PMPCA: variants seen among roughly 807,000 people sequenced by gnomAD.
PMPCA encodes mitochondrial-processing peptidase subunit alpha.
A neutral mutation model predicts 59.3 loss-of-function variants in PMPCA; 47 were observed. That is an observed-to-expected ratio of 0.79 (90% CI 0.63 to 1.01). The LOEUF (loss-of-function observed/expected upper bound fraction) is 1.01. Ranked by LOEUF, PMPCA falls within the 50% of genes least tolerant of loss-of-function variation. The probability of loss-of-function intolerance (pLI) is 0.00; values close to 1 mark genes in which losing one functional copy is unlikely to be tolerated. For missense variants in PMPCA, 726 were observed against 704.5 expected (o/e 1.03, Z -0.34); for synonymous variants, 338 against 290.3 (o/e 1.16, Z -1.67).
intron 12 of PMPCA, chr9:136,422,232 G>A (rs958965551): frequency 1.4e-6 from 2 of 1,434,990 alleles, no homozygotes; most frequent in South Asian, 1.3e-5. Context: ...CCCCTGGGAG[G>A]GGCTGTCACT....
intron 4 of PMPCA, among the ~76,000 whole-genome samples, chr9:136,413,659 T>C (rs1835196213): frequency 6.6e-6 from 1 of 152,200 alleles, no homozygotes; most frequent in Non-Finnish European, 1.5e-5. Context: ...CTGGTGTGTT[T>C]GATTCTCCGA....
chr9:136,412,866 G>A lies in PMPCA; in HGVS notation c.411G>A (p.Gly137=), dbSNP rs774779672. ...TTCTGCTTACGTTGGAAAAGCATGG[G>A]GGTATCTGTGACTGCCAGACATCAA... The part of the protein sequence containing the change: ...DEILLTLEKH[G]GICDCQTSRD... Residue 137 remains glycine (G), a synonymous_variant, in exon 4 of 13, where the codon GGG becomes GGA. Coordinates refer to ENST00000371717, the MANE Select transcript of PMPCA (RefSeq NM_015160.3). 6.2e-7 allele frequency: 1 copy of A among 1,607,452 alleles called. No homozygotes were observed. The highest frequency in any genetic ancestry group is 8.5e-7 in the Non-Finnish European group (1 of 1,174,114).
chr9:136,412,606 T>G (rs772701759), intron 3 of PMPCA, 37 bp downstream of exon 3: 1 of 1,083,436 alleles, frequency 9.2e-7, no homozygotes, highest in East Asian at 2.4e-5. Context: ...AGACTATACT[T>G]TTGAAGGATG....
At chr9:136,417,559 A>G (rs1033514412) in intron 7 of PMPCA, among the ~76,000 whole-genome samples, 1 of 146,400 alleles carries the variant, frequency 6.8e-6, no homozygotes, top group Non-Finnish European at 1.5e-5. Context: ...TGCAACCTCC[A>G]CCTCCCAGGT....
Position 136,416,301 on chromosome 9 carries a change from C to T in PMPCA, c.543C>T (p.Val181=), listed in dbSNP as rs749297926. ...VLQPRLTDEE[V]EMTRMAVQFE... Reference sequence around the variant, plus strand: ...TGGGTTCTCTTGCAGATGAAGAAGTCGAGATGACGCGGATGGCGGTCCAGT... The same window carrying T: ...TGGGTTCTCTTGCAGATGAAGAAGTTGAGATGACGCGGATGGCGGTCCAGT... The change falls in exon 6 of 13, where the codon GTC becomes GTT. Residue 181 remains valine (V), a synonymous_variant. Transcript: ENST00000371717. 14 of 1,613,062 alleles carry T rather than the reference C, an allele frequency of 8.7e-6. No homozygotes were observed. The highest frequency in any genetic ancestry group is 6.7e-5 in the East Asian group (3 of 44,898).
At chr9:136,412,948 G>C (rs1314499122) in intron 4 of PMPCA, 56 bp downstream of exon 4, 2 of 1,031,260 alleles carry the variant, frequency 1.9e-6, no homozygotes, top group Non-Finnish European at 3.1e-6. Flanking sequence ...TGACGTTCTT[G>C]TCGTTGCTCA....
rs1835367157 is a variant in PMPCA at position 136,418,989 on chromosome 9, G to T, written c.1201-55G>T. 23 of 1,599,964 alleles carry T rather than the reference G, an allele frequency of 1.4e-5. 1 individual carries two copies. In the South Asian group the frequency reaches 2.4e-4, roughly 17 times the overall value. ...GACCTGGGCGTCCCTGCCTAGACGG[G>T]TCAGTAGGCCGGCAGGCGCAGGCCA... On this transcript the variant is annotated intron_variant, in intron 10 of 12. Coordinates refer to ENST00000371717, the MANE Select transcript of PMPCA (RefSeq NM_015160.3).
In PMPCA at chr9:136,423,226, G is replaced by T; in HGVS notation, c.1540G>T (p.Asp514Tyr). Residue 514 changes from aspartate (D) to tyrosine (Y), a missense_variant, in exon 13 of 13, where the codon GAC becomes TAC. Asp to Tyr is a radical substitution (Grantham distance 160, BLOSUM62 -3). Coordinates refer to ENST00000371717, the MANE Select transcript of PMPCA (RefSeq NM_015160.3). ...EHIQTALSSK[D>Y]GRLPRTYRLF... ...CATCCAGACCGCCCTGTCGAGTAAG[G>T]ACGGGCGCCTGCCCAGGACGTACCG... is the stretch of plus-strand genomic sequence containing the variant. 6.2e-7 allele frequency: 1 copy of T among 1,613,464 alleles called. No homozygotes were observed. Among genetic ancestry groups the T allele is most frequent in the Non-Finnish European group, 8.5e-7 (1 of 1,180,024 alleles).
chr9:136,415,137 G>A (rs1353365894), intron 5 of PMPCA, among the ~76,000 whole-genome samples: 2 of 152,172 alleles, frequency 1.3e-5, no homozygotes, highest in Admixed American at 1.3e-4. Context: ...CAGGCGTGCT[G>A]GCTCACGCCT....
intron 4 of PMPCA, among the ~76,000 whole-genome samples, chr9:136,413,499 G>C (rs1835191874): frequency 6.6e-6 from 1 of 152,152 alleles, no homozygotes; most frequent in African/African-American, 2.4e-5. Flanking sequence ...TTTTAAAATT[G>C]TTGATTTAAG....
Position 136,418,584 on chromosome 9 carries a change from G to A in PMPCA, c.1020G>A (p.Leu340=). Residue 340 remains leucine (L), a synonymous_variant, in exon 9 of 13, where the codon TTG becomes TTA. Coordinates refer to ENST00000371717, the MANE Select transcript of PMPCA (RefSeq NM_015160.3). ...AGGACTTCATCCCCTTTGCAGTGTT[G>A]AACATGATGATGGGCGGAGGTGGCT... The part of the protein sequence containing the change: ...LEEDFIPFAV[L]NMMMGGGGSF... 1 of 1,613,610 alleles carries A rather than the reference G, an allele frequency of 6.2e-7. No homozygotes were observed. The highest frequency in any genetic ancestry group is 8.5e-7 in the Non-Finnish European group (1 of 1,179,466).
intron 6 of PMPCA, 78 bp from the exon 7 acceptor site, chr9:136,416,873 G>T (rs745456517): frequency 1.4e-4 from 189 of 1,396,978 alleles, no homozygotes; most frequent in Non-Finnish European, 1.8e-4. Flanking sequence ...GGCTGCAGAT[G>T]GGCGCTGGTG....
At position 136,410,731 on chromosome 9, in the gene PMPCA, G is replaced by A. The variant is rs1835072768; in HGVS notation, c.63G>A (p.Ser21=). Residue 21 remains serine (S), a synonymous_variant, in exon 1 of 13, where the codon TCG becomes TCA. Transcript: ENST00000371717. ...LLRGSGSWGC[S]RLRFGPPAYR... Reference sequence around the variant, plus strand: ...GGGGCTCGGGTTCTTGGGGCTGTTCGCGGCTGAGGTGAGCCAAAGGCGAAC... The same window carrying A: ...GGGGCTCGGGTTCTTGGGGCTGTTCACGGCTGAGGTGAGCCAAAGGCGAAC... 3 of 1,418,004 alleles carry A rather than the reference G, an allele frequency of 2.1e-6. No homozygotes were observed. Among genetic ancestry groups the A allele is most frequent in the Non-Finnish European group, 2.7e-6 (3 of 1,091,462 alleles). 87.8% of individuals were successfully genotyped at this position (1,418,004 alleles called of 1,614,324 possible).
Position 136,411,939 on chromosome 9 carries a change from G to A in PMPCA, c.72-58G>A, listed in dbSNP as rs905429286. 31 of 968,108 alleles carry A rather than the reference G, an allele frequency of 3.2e-5. No individual in the cohort carries two copies. The African/African-American group carries it at 4.8e-4, about 15-fold the overall frequency. The allele number at this position is 968,108 out of a possible 1,614,324, so 60.0% of individuals were successfully genotyped here. ...AAACATAACTAACCGCACCTAACAG[G>A]TCATCACAGGTTTGTTGTCTCAAGC... is the stretch of plus-strand genomic sequence containing the variant. On this transcript the variant is annotated intron_variant, in intron 1 of 12. Coordinates refer to ENST00000371717, the MANE Select transcript of PMPCA (RefSeq NM_015160.3).
chr9:136,417,376 C>T (rs1835312078), intron 7 of PMPCA, among the ~76,000 whole-genome samples, 162 bp downstream of exon 7: 2 of 152,126 alleles, frequency 1.3e-5, no homozygotes, highest in East Asian at 3.9e-4. Context: ...TGGACTGTGT[C>T]CCCTGCTGAG....
chr9:136,415,531 G>T (rs1013233758), intron 5 of PMPCA, among the ~76,000 whole-genome samples: 1 of 152,186 alleles, frequency 6.6e-6, no homozygotes, highest in Admixed American at 6.5e-5. Flanking sequence ...ATACCCTAAG[G>T]GTGCAGTTTC....
At chr9:136,413,015 C>G (rs932305684) in intron 4 of PMPCA, 123 bp downstream of exon 4, 1 of 707,508 alleles carries the variant, frequency 1.4e-6, no homozygotes, top group Non-Finnish European at 2.5e-6. Context: ...GAGAAGGAGC[C>G]CTGTCCTGGA....
chr9:136,416,473 G>C (rs757229412), intron 6 of PMPCA, 82 bp downstream of exon 6: 10 of 970,366 alleles, frequency 1.0e-5, no homozygotes, highest in Non-Finnish European at 1.5e-5. Flanking sequence ...GGGTGCCTCC[G>C]TGATGTTGTC....
rs577984731 is a variant in PMPCA, at chr9:136,419,229, C to CA, written c.1263+124dup. On this transcript the variant is annotated intron_variant, in intron 11 of 12. Transcript: ENST00000371717. ...CCTCAGGGCCAAGGTCCCGGCAGGGCAGGGCAGGGCAGGGCGGCCAAGGAG... is the reference window on the plus strand; with the variant it reads ...CCTCAGGGCCAAGGTCCCGGCAGGGCAAGGGCAGGGCAGGGCGGCCAAGGAG... The CA allele has an allele frequency of 5.8e-3, 5,255 of 900,586 alleles. 23 individuals are homozygous for CA. Among genetic ancestry groups the CA allele is most frequent in the Non-Finnish European group, 8.0e-3 (4,286 of 536,416 alleles). The allele number at this position is 900,586 out of a possible 1,614,324, so 55.8% of individuals were successfully genotyped here.
Sources: gnomAD v4.1 joint callset for allele counts (sites outside exome capture counted in the v4.1 genomes callset) on GRCh38, gnomAD v4.1.1 for gene constraint, MANE v1.5 for transcripts, NCBI Gene and HGNC (gene_info 2026-07-23, HGNC 2026-07-21) for gene names.